Variants in DRC1 observed in about 807,000 individuals in gnomAD.
The protein encoded by DRC1 is dynein regulatory complex protein 1.
Under a neutral mutation model 98.7 loss-of-function variants are expected in DRC1, and 74 were observed. That is an observed-to-expected ratio of 0.75 (90% CI 0.62 to 0.91). The LOEUF is 0.91. DRC1 is among the 40% of genes least tolerant of loss of function. DRC1 has a pLI of 0.00. For missense variants in DRC1, 875 were observed against 886.0 expected (o/e 0.99, Z 0.16); for synonymous variants, 336 against 334.1 (o/e 1.01, Z -0.06).
intron 4 of DRC1, among the ~76,000 whole-genome samples, chr2:26,426,443 T>A (rs1663285702): frequency 1.3e-5 from 2 of 151,654 alleles, no homozygotes; most frequent in Non-Finnish European, 2.9e-5. Context: ...CTCGGCTCAC[T>A]GCAACCTCCG....
chr2:26,424,545 T>C, intron 4 of DRC1, 91 bp downstream of exon 4: 3 of 1,310,942 alleles, frequency 2.3e-6, no homozygotes, highest in Non-Finnish European at 3.1e-6. Flanking sequence ...TGGAAAAATG[T>C]AGAAACCTTT....
intron 10 of DRC1, 130 bp downstream of exon 10, chr2:26,445,078 C>A: frequency 1.0e-6 from 1 of 993,634 alleles, no homozygotes; most frequent in Non-Finnish European, 1.4e-6. Flanking sequence ...GCTTTTAAGT[C>A]TCCTCTAATT....
chr2:26,426,627 A>C (rs1222548861), intron 4 of DRC1, among the ~76,000 whole-genome samples: 3 of 152,136 alleles, frequency 2.0e-5, no homozygotes, highest in Non-Finnish European at 2.9e-5. Context: ...TCAGCCTCCC[A>C]AAATGCTGGG....
chr2:26,448,472 GCCGAGTT>G (rs1558453768), intron 10 of DRC1: 1 of 682,850 alleles, frequency 1.5e-6, no homozygotes, highest in Middle Eastern at 2.4e-4. Context: ...GCTGGGAATG[GCCGAGTT>G]CTCCAGGTAG....
Position 26,435,841 on chromosome 2 carries a change from T to C in DRC1, c.888+3835T>C, listed in dbSNP as rs184392148. ...TCCATGGTGTATACGTACCACATTT[T>C]AAAAATCCATTCTACCGTTGATGGG... On this transcript the variant is annotated intron_variant, in intron 7 of 16. Coordinates refer to ENST00000288710, the MANE Select transcript of DRC1 (RefSeq NM_145038.5). 1.2e-4 allele frequency among the ~76,000 whole-genome samples: 19 copies of C among 152,316 alleles called. No homozygotes were observed. The East Asian group carries it at 2.9e-3, about 23-fold the overall frequency.
chr2:26,448,459 C>T lies in DRC1; in HGVS notation c.1397-232C>T, dbSNP rs565472624. ...ATTTGGAAAAGTAGGGCATTACAGG[C>T]TGGCTGGGAATGGCCGAGTTCTCCA... is the stretch of plus-strand genomic sequence containing the variant. On this transcript the variant is annotated intron_variant, in intron 10 of 16. Coordinates refer to ENST00000288710, the MANE Select transcript of DRC1 (RefSeq NM_145038.5). 7.1e-4 allele frequency: 474 copies of T among 671,548 alleles called. 4 individuals carry two copies. The highest frequency in any genetic ancestry group is 7.0e-3 in the South Asian group (467 of 66,320). The allele number at this position is 671,548 out of a possible 1,614,324, so 41.6% of individuals were successfully genotyped here.
chr2:26,409,226 C>T (rs1678520964), intron 1 of DRC1, among the ~76,000 whole-genome samples: 1 of 152,164 alleles, frequency 6.6e-6, no homozygotes, highest in Non-Finnish European at 1.5e-5. Flanking sequence ...CCACTGTGCT[C>T]AGCCCCATCA....
chr2:26,422,224 T>C (rs1663165130), intron 3 of DRC1, among the ~76,000 whole-genome samples: 1 of 152,076 alleles, frequency 6.6e-6, no homozygotes, highest in South Asian at 2.1e-4. Flanking sequence ...AATGGCATGA[T>C]AGCGAAGGAT....
At chr2:26,405,559 G>A (rs1232853110) in intron 1 of DRC1, among the ~76,000 whole-genome samples, 7 of 148,860 alleles carry the variant, frequency 4.7e-5, no homozygotes, top group African/African-American at 1.5e-4. Flanking sequence ...AGCTGTCAAT[G>A]TAAAGAGTTG....
chr2:26,423,946 T>C (rs1663215233), intron 3 of DRC1, among the ~76,000 whole-genome samples: 1 of 152,160 alleles, frequency 6.6e-6, no homozygotes, highest in African/African-American at 2.4e-5. Flanking sequence ...TGTTTAACTG[T>C]TGTGTGTTAT....
intron 3 of DRC1, among the ~76,000 whole-genome samples, chr2:26,421,765 G>A (rs1663149536): frequency 1.3e-5 from 2 of 151,984 alleles, no homozygotes; most frequent in African/African-American, 4.8e-5. Flanking sequence ...TCACCATGTT[G>A]GCCAGGCTGG....
intron 10 of DRC1, among the ~76,000 whole-genome samples, chr2:26,446,949 C>G (rs918160072): frequency 6.6e-6 from 1 of 151,816 alleles, no homozygotes; most frequent in Non-Finnish European, 1.5e-5. Flanking sequence ...AAAAATTAGC[C>G]GGTCATGGCG....
intron 8 of DRC1, among the ~76,000 whole-genome samples, chr2:26,440,973 C>T (rs1365520665): frequency 6.6e-6 from 1 of 152,216 alleles, no homozygotes; most frequent in East Asian, 1.9e-4. Flanking sequence ...TAATGATGGA[C>T]ATGTAGATTG....
intron 1 of DRC1, among the ~76,000 whole-genome samples, chr2:26,403,239 A>G (rs1368513348): frequency 1.3e-5 from 2 of 152,196 alleles, no homozygotes; most frequent in East Asian, 3.8e-4. Flanking sequence ...CCTGCACTGG[A>G]GGGCACATTT....
chr2:26,430,201 T>C (rs1266393517), intron 5 of DRC1, among the ~76,000 whole-genome samples: 1 of 152,118 alleles, frequency 6.6e-6, no homozygotes, highest in Non-Finnish European at 1.5e-5. Context: ...TTTAAGGCAA[T>C]TGGGGCAGAC....
intron 11 of DRC1, among the ~76,000 whole-genome samples, chr2:26,449,018 G>A (rs1273670980): frequency 6.6e-6 from 1 of 152,252 alleles, no homozygotes; most frequent in Non-Finnish European, 1.5e-5. Flanking sequence ...CTGGAAAATG[G>A]GTCTAACCTT....
At chr2:26,428,890 G>A (rs771287142) in intron 4 of DRC1, among the ~76,000 whole-genome samples, 8 of 152,168 alleles carry the variant, frequency 5.3e-5, no homozygotes, top group East Asian at 3.9e-4. Flanking sequence ...GCACATGACC[G>A]TAGTATTTTT....
At chr2:26,451,785 G>T (rs1337141914) in intron 13 of DRC1, among the ~76,000 whole-genome samples, 2 of 152,114 alleles carry the variant, frequency 1.3e-5, no homozygotes, top group African/African-American at 4.8e-5. Flanking sequence ...TTTGACTACA[G>T]AATTTAAAAA....
intron 1 of DRC1, 41 bp downstream of exon 1, chr2:26,402,185 A>G: frequency 6.6e-7 from 1 of 1,526,046 alleles, no homozygotes; most frequent in Non-Finnish European, 8.8e-7. Context: ...GCGCCGCAGG[A>G]GCCGGAGAAG....
Sources: allele counts gnomAD v4.1 joint callset (sites outside exome capture counted in the v4.1 genomes callset), GRCh38; gene constraint gnomAD v4.1.1; transcripts MANE v1.5; gene names NCBI Gene and HGNC (gene_info 2026-07-23, HGNC 2026-07-21).